C2CD5: variants seen among roughly 807,000 people sequenced by gnomAD.
C2CD5 encodes the protein C2 calcium dependent domain containing 5.
In C2CD5, 109 loss-of-function variants were observed where a neutral mutation model predicts 130.3. That is an observed-to-expected ratio of 0.84 (90% confidence interval 0.72 to 0.98). The LOEUF (loss-of-function observed/expected upper bound fraction) is 0.98. Among genes scored for constraint, C2CD5 ranks in the 50% least tolerant of loss-of-function variants. The pLI is 0.00. For missense variants in C2CD5, 996 were observed against 1,261.8 expected (o/e 0.79, Z 3.19); for synonymous variants, 454 against 429.2 (o/e 1.06, Z -0.71).
intron 16 of C2CD5, among the ~76,000 whole-genome samples, chr12:22,473,569 T>C (rs1380193163): frequency 1.3e-5 from 2 of 152,188 alleles, no homozygotes; most frequent in Non-Finnish European, 2.9e-5. Flanking sequence ...CCTCTGCCCA[T>C]GTTTGAAGCA....
intron 9 of C2CD5, among the ~76,000 whole-genome samples, chr12:22,507,919 T>C: frequency 6.6e-6 from 1 of 152,142 alleles, no homozygotes; most frequent in Non-Finnish European, 1.5e-5. Context: ...AGTTATAAAT[T>C]TTTATCTTAA....
intron 21 of C2CD5, among the ~76,000 whole-genome samples, chr12:22,470,325 T>A (rs1034923325): frequency 2.0e-5 from 3 of 152,278 alleles, no homozygotes; most frequent in African/African-American, 4.8e-5. Flanking sequence ...TCCCCCATTA[T>A]GTGTTTTTCA....
At chr12:22,512,716 G>C in intron 9 of C2CD5, 1 of 1,399,294 alleles carries the variant, frequency 7.1e-7, no homozygotes, top group Non-Finnish European at 9.5e-7. Flanking sequence ...AAAAAAGAGA[G>C]AGAGAGAAAT....
chr12:22,507,047 G>T, intron 9 of C2CD5: 1 of 338,680 alleles, frequency 3.0e-6, no homozygotes, highest in East Asian at 4.7e-5. Context: ...CATTTCATCA[G>T]TTCTCAATGA....
intron 8 of C2CD5, chr12:22,515,142 G>T (rs1420272161): frequency 1.0e-6 from 1 of 984,678 alleles, no homozygotes; most frequent in African/African-American, 1.7e-5. Flanking sequence ...GGTCCCTGTG[G>T]GTAAGGTGCT....
In C2CD5 at chr12:22,456,985, T is replaced by A; in HGVS notation, c.2863A>T (p.Thr955Ser). The change falls in exon 25 of 27, where the codon ACT becomes TCT. Residue 955 changes from threonine to serine, a missense_variant. By Grantham distance (58) the Thr-to-Ser change is moderately conservative (BLOSUM62 1). Coordinates refer to ENST00000446597, the MANE Select transcript of C2CD5 (RefSeq NM_001286176.2). ...TATAAAATTACCTCCCGAAGAGAAGTAGTCTCTCGAATAAAAAACATGTTA... is the reference window on the plus strand; with the variant it reads ...TATAAAATTACCTCCCGAAGAGAAGAAGTCTCTCGAATAAAAAACATGTTA... ...IINMFFIRET[T>S]SLREEGGVSG... is the part of the protein sequence containing the mutation. The A allele has an allele frequency of 6.3e-7, 1 of 1,585,848 alleles. No individual in the cohort carries two copies.
intron 10 of C2CD5, among the ~76,000 whole-genome samples, chr12:22,499,088 G>A (rs1947412310): frequency 6.6e-6 from 1 of 152,184 alleles, no homozygotes; most frequent in South Asian, 2.1e-4. Context: ...TGAAAAATGA[G>A]TTAGGACTAT....
At chr12:22,523,783 G>A (rs371284103) in intron 6 of C2CD5, among the ~76,000 whole-genome samples, 159 bp from the exon 7 acceptor site, 1 of 149,924 alleles carries the variant, frequency 6.7e-6, no homozygotes. Context: ...AGCCTCTACA[G>A]AATACAGAAC....
Position 22,454,110 on chromosome 12 carries a change from A to G in C2CD5, c.2878-68T>C, listed in dbSNP as rs1591914029. On this transcript the variant is annotated intron_variant, in intron 25 of 26. Transcript: ENST00000446597. ...GTATGGATATAGGAATGCACACAAA[A>G]TGTCAAAGAATATATATTAAAACAT... 3 of 1,223,550 alleles carry G rather than the reference A, an allele frequency of 2.5e-6. No homozygotes were observed. In the East Asian group the frequency reaches 7.2e-5, roughly 29 times the overall value. 75.8% of individuals were successfully genotyped at this position (1,223,550 alleles called of 1,614,324 possible).
At chr12:22,497,284 C>T (rs1306747584) in intron 10 of C2CD5, among the ~76,000 whole-genome samples, 3 of 151,874 alleles carry the variant, frequency 2.0e-5, no homozygotes, top group Admixed American at 6.6e-5. Flanking sequence ...AACAGCTACC[C>T]GAGAGAACTT....
At chr12:22,483,701 G>C (rs776409352) in intron 13 of C2CD5, among the ~76,000 whole-genome samples, 1 of 152,108 alleles carries the variant, frequency 6.6e-6, no homozygotes, top group Non-Finnish European at 1.5e-5. Flanking sequence ...CATTTTAGAA[G>C]AAAAATCAAC....
At chr12:22,499,524 AG>A (rs1354660116) in intron 10 of C2CD5, among the ~76,000 whole-genome samples, 1 of 152,194 alleles carries the variant, frequency 6.6e-6, no homozygotes, top group Admixed American at 6.5e-5. Flanking sequence ...GCATGTAATA[AG>A]TTCTTGATCA....
At position 22,455,695 on chromosome 12, in the gene C2CD5, T is replaced by G. The variant is rs556902231; in HGVS notation, c.2877+1276A>C. Reference sequence around the variant, plus strand: ...GATATAAAAACTAATTTATCTTTTTTGGGGGGAAGGATAGAGTCTCACTCT... The same window carrying G: ...GATATAAAAACTAATTTATCTTTTTGGGGGGGAAGGATAGAGTCTCACTCT... On this transcript the variant is annotated intron_variant, in intron 25 of 26. Coordinates refer to ENST00000446597, the MANE Select transcript of C2CD5 (RefSeq NM_001286176.2). Among the ~76,000 whole-genome samples, 5 of 152,266 alleles carry G rather than the reference T, an allele frequency of 3.3e-5. No individual in the cohort carries two copies. In the East Asian group the frequency reaches 5.8e-4, roughly 18 times the overall value.
At chr12:22,500,707 AT>A (rs1444663860) in intron 10 of C2CD5, among the ~76,000 whole-genome samples, 11 of 152,032 alleles carry the variant, frequency 7.2e-5, no homozygotes, top group Non-Finnish European at 1.2e-4. Flanking sequence ...GATCTGTCAT[AT>A]TTTATACATT....
intron 7 of C2CD5, chr12:22,519,069 C>T (rs1209005262): frequency 4.6e-6 from 7 of 1,511,176 alleles, no homozygotes; most frequent in East Asian, 2.5e-5. Context: ...GCCACTCTGC[C>T]CGTGGCCTGC....
chr12:22,481,439 C>G (rs1944689831), intron 14 of C2CD5, among the ~76,000 whole-genome samples: 1 of 152,104 alleles, frequency 6.6e-6, no homozygotes, highest in Non-Finnish European at 1.5e-5. Flanking sequence ...AGAGAATTTC[C>G]ATAAACGTGG....
chr12:22,535,390 G>C (rs1389019197), intron 2 of C2CD5, 46 bp from the exon 3 acceptor site: 3 of 1,015,442 alleles, frequency 3.0e-6, no homozygotes, highest in Non-Finnish European at 4.6e-6. Context: ...TCAAAAATGT[G>C]AATAAAAGTA....
intron 14 of C2CD5, 42 bp from the exon 15 acceptor site, chr12:22,478,519 C>A: frequency 6.6e-7 from 1 of 1,520,932 alleles, no homozygotes; most frequent in Non-Finnish European, 9.1e-7. Context: ...AAAATATCTA[C>A]AGAATAACAG....
intron 2 of C2CD5, 131 bp from the exon 3 acceptor site, chr12:22,535,475 G>C (rs1002594160): frequency 1.6e-6 from 1 of 607,298 alleles, no homozygotes; most frequent in Non-Finnish European, 3.0e-6. Context: ...TGGGACAAAG[G>C]GAAGAAGGTA....
Sources: gnomAD v4.1 joint callset for allele counts (sites outside exome capture counted in the v4.1 genomes callset) on GRCh38, gnomAD v4.1.1 for gene constraint, MANE v1.5 for transcripts, NCBI Gene and HGNC (gene_info 2026-07-23, HGNC 2026-07-21) for gene names.